The following PARG variants were observed in gnomAD, a reference collection of about 807,000 sequenced individuals.
The protein encoded by PARG is poly(ADP-ribose) glycohydrolase, also known as mitochondrial poly(ADP-ribose) glycohydrolase.
Under a neutral mutation model 113.0 loss-of-function variants are expected in PARG, and 35 were observed. The observed-to-expected ratio is 0.31, with a 90% CI of 0.24 to 0.41. The LOEUF is 0.41. Among genes scored for constraint, PARG ranks in the 10% least tolerant of loss-of-function variants. The pLI is 1.00. For synonymous variants in PARG, 330 were observed against 409.9 expected (o/e 0.81, Z 2.36); for missense variants, 797 against 1,169.4 (o/e 0.68, Z 4.64).
rs570769808 is a variant in PARG, at chr10:49,891,788, C to G, written c.1738-6493G>C. 2.1e-4 allele frequency among the ~76,000 whole-genome samples: 31 copies of G among 150,990 alleles called. 1 individual carries two copies. The highest frequency in any genetic ancestry group is 7.5e-4 in the African/African-American group (31 of 41,170). ...GAGACTACAGGCACACACCACCACA[C>G]CTAGCTAATTTTTGTATTTTTAGAG... On this transcript the variant is annotated intron_variant, in intron 7 of 17. Transcript: ENST00000616448.
At chr10:49,867,075 A>AG (rs1250142750) in intron 10 of PARG, 7 of 152,128 alleles carry the variant, frequency 4.6e-5, no homozygotes, top group Non-Finnish European at 8.8e-5. Flanking sequence ...ATCTTACCAT[A>AG]GGTCTAGACT....
chr10:49,885,032 T>C (rs1554840171), intron 8 of PARG, among the ~76,000 whole-genome samples, 171 bp downstream of exon 8: 2 of 151,388 alleles, frequency 1.3e-5, no homozygotes, highest in Non-Finnish European at 2.9e-5. Context: ...TACTATACTC[T>C]TTGGCAAAAA....
intron 16 of PARG, among the ~76,000 whole-genome samples, chr10:49,829,080 CA>C (rs1844518008): frequency 6.6e-6 from 1 of 151,824 alleles, no homozygotes; most frequent in African/African-American, 2.4e-5. Context: ...GCTAAAAATA[CA>C]AAAAATTAGC....
intron 12 of PARG, among the ~76,000 whole-genome samples, chr10:49,858,276 G>T (rs1846086590): frequency 7.4e-6 from 1 of 134,470 alleles, no homozygotes; most frequent in African/African-American, 2.9e-5. Context: ...TCATGAAGCA[G>T]TATGTAAGAA....
At chr10:49,857,558 T>C in intron 12 of PARG, 105 bp from the exon 13 acceptor site, 3 of 603,462 alleles carry the variant, frequency 5.0e-6, no homozygotes, top group Non-Finnish European at 5.9e-6. Context: ...CCCATGAAAA[T>C]CAATCCCCAA....
intron 7 of PARG, among the ~76,000 whole-genome samples, chr10:49,914,394 C>T (rs1837353754): frequency 6.6e-6 from 1 of 152,178 alleles, no homozygotes. Flanking sequence ...TCAAGGATAT[C>T]TGAGATATCC....
intron 2 of PARG, 73 bp downstream of exon 2, chr10:49,935,003 G>A: frequency 1.5e-6 from 1 of 668,454 alleles, no homozygotes; most frequent in African/African-American, 1.8e-5. Context: ...AACAAAGAGA[G>A]AAAATATTAA....
chr10:49,924,385 T>C (rs1554850171), intron 4 of PARG, among the ~76,000 whole-genome samples: 1 of 152,236 alleles, frequency 6.6e-6, no homozygotes, highest in Admixed American at 6.5e-5. Context: ...TAATATGTTA[T>C]GAATACGAGG....
At chr10:49,905,121 G>C (rs1337240894) in intron 7 of PARG, among the ~76,000 whole-genome samples, 1 of 152,290 alleles carries the variant, frequency 6.6e-6, no homozygotes, top group Non-Finnish European at 1.5e-5. Flanking sequence ...CTTTTCCTTT[G>C]AGATAACAAG....
At chr10:49,838,345 C>T (rs782579293) in intron 15 of PARG, among the ~76,000 whole-genome samples, 3 of 146,226 alleles carry the variant, frequency 2.1e-5, no homozygotes, top group Non-Finnish European at 4.5e-5. Flanking sequence ...GCAGGAGAAT[C>T]GCTTGAACCC....
At chr10:49,842,919 C>G (rs1370147247) in intron 14 of PARG, among the ~76,000 whole-genome samples, 4 of 152,146 alleles carry the variant, frequency 2.6e-5, no homozygotes, top group African/African-American at 9.7e-5. Context: ...TGGGCAAGAG[C>G]TGATTCTTTC....
chr10:49,838,431 C>CAAAAAAA (rs782657099), intron 15 of PARG, among the ~76,000 whole-genome samples: 1 of 40,294 alleles, frequency 2.5e-5, no homozygotes, highest in African/African-American at 1.1e-4. Context: ...AACTCCGTCT[C>CAAAAAAA]AAAAAAAAAA....
chr10:49,826,989 C>T (rs965632800), intron 16 of PARG, among the ~76,000 whole-genome samples: 1 of 152,204 alleles, frequency 6.6e-6, no homozygotes, highest in East Asian at 1.9e-4. Context: ...CAACTCATAC[C>T]TGAGGCCAAC....
rs1838619883 is a variant in PARG, at chr10:49,933,966, C to T, written c.482G>A (p.Gly161Glu). 2.7e-5 allele frequency: 43 copies of T among 1,599,866 alleles called. No homozygotes were observed. The highest frequency in any genetic ancestry group is 3.6e-5 in the Non-Finnish European group (42 of 1,167,182). Residue 161 changes from glycine (G) to glutamate (E), a missense_variant, in exon 3 of 18, where the codon GGG becomes GAG. Physicochemically the swap from Gly to Glu is moderately conservative, Grantham distance 98 (BLOSUM62 -2). Transcript: ENST00000616448. ...TAAMCKWQNE[G>E]KHTEQLLESE... ...TTCCAAAAGCTGCTCCGTGTGTTTC[C>T]CTTCATTTTGCCACTTACACATTGC... is the stretch of plus-strand genomic sequence containing the variant.
intron 14 of PARG, 72 bp downstream of exon 14, chr10:49,843,482 A>AGAG: frequency 1.9e-6 from 1 of 513,036 alleles, no homozygotes; most frequent in Non-Finnish European, 3.7e-6. Context: ...AGACAGAATG[A>AGAG]GAGTGTGTGA....
At chr10:49,846,253 T>C (rs1242826045) in intron 13 of PARG, among the ~76,000 whole-genome samples, 1 of 151,080 alleles carries the variant, frequency 6.6e-6, no homozygotes, top group African/African-American at 2.4e-5. Flanking sequence ...TATATTTACA[T>C]GACATTCTAA....
At chr10:49,906,192 A>C (rs1289996293) in intron 7 of PARG, among the ~76,000 whole-genome samples, 1 of 142,136 alleles carries the variant, frequency 7.0e-6, no homozygotes, top group Non-Finnish European at 1.5e-5. Flanking sequence ...CATGTTGGTC[A>C]GGCTGGTCTC....
At chr10:49,898,728 T>C (rs1348740206) in intron 7 of PARG, among the ~76,000 whole-genome samples, 1 of 151,990 alleles carries the variant, frequency 6.6e-6, no homozygotes, top group East Asian at 1.9e-4. Flanking sequence ...TTCTATAGCA[T>C]CTGTTTGTGC....
At position 49,941,533 on chromosome 10, in the gene PARG, G is replaced by C; in HGVS notation, c.193C>G (p.His65Asp). ...CCAAGCGAGGTGGCGCTGCCTCTGT[G>C]CTGTCCCGCCCGCCCTGGGACGCAG... ...PACVPGRAGQ[H>D]RGSATSLVFK... Residue 65 changes from histidine to aspartate, a missense_variant, in exon 1 of 18, where the codon CAC becomes GAC. This residue lies in a region of PARG where 284 missense variants were observed against 306.1 expected (regional missense o/e 0.93). Coordinates refer to ENST00000616448, the MANE Select transcript of PARG (RefSeq NM_003631.5). 1 of 1,557,184 alleles carries C rather than the reference G, an allele frequency of 6.4e-7. No individual in the cohort carries two copies. The highest frequency in any genetic ancestry group is 8.7e-7 in the Non-Finnish European group (1 of 1,150,586).
Sources: gnomAD v4.1 joint callset for allele counts (sites outside exome capture counted in the v4.1 genomes callset) on GRCh38, gnomAD v4.1.1 for gene constraint, gnomAD v4.1.1 regional missense constraint, MANE v1.5 for transcripts, NCBI Gene and HGNC (gene_info 2026-07-23, HGNC 2026-07-21) for gene names.